Variants in KCNH8 observed in about 807,000 individuals in gnomAD.
KCNH8 encodes the protein potassium voltage-gated channel subfamily H member 8, also known as voltage-gated delayed rectifier potassium channel KCNH8.
In KCNH8, 70 loss-of-function variants were observed where a neutral mutation model predicts 103.6. That is an observed-to-expected ratio of 0.68 (90% CI 0.56 to 0.82). The LOEUF (loss-of-function observed/expected upper bound fraction) is 0.82, where lower values mean the gene tolerates loss of function less well. Among genes scored for constraint, KCNH8 ranks in the 40% least tolerant of loss-of-function variants. The probability of loss-of-function intolerance (pLI) is 0.00; values close to 1 mark genes in which losing one functional copy is unlikely to be tolerated. For synonymous variants in KCNH8, 498 were observed against 489.4 expected (o/e 1.02, Z -0.23); for missense variants, 1,217 against 1,329.9 (o/e 0.92, Z 1.32).
At chr3:19,426,795 G>T (rs773424115) in intron 7 of KCNH8, among the ~76,000 whole-genome samples, 21 of 151,938 alleles carry the variant, frequency 1.4e-4, no homozygotes, top group Non-Finnish European at 2.9e-4. Flanking sequence ...GCCTACTTTT[G>T]AATCAAAAAT....
At chr3:19,330,426 T>C (rs1184678016) in intron 3 of KCNH8, among the ~76,000 whole-genome samples, 1 of 152,192 alleles carries the variant, frequency 6.6e-6, no homozygotes, top group Non-Finnish European at 1.5e-5. Context: ...GCTTGATGTC[T>C]CACAGTATCT....
At chr3:19,316,686 AC>A (rs2125300845) in intron 3 of KCNH8, among the ~76,000 whole-genome samples, 2 of 152,042 alleles carry the variant, frequency 1.3e-5, no homozygotes, top group South Asian at 4.1e-4. Context: ...CTGCTCTTCA[AC>A]CAGAGATTGC....
chr3:19,243,004 TTGTTAGGTTA>T (rs2064161508), intron 1 of KCNH8, among the ~76,000 whole-genome samples: 1 of 152,182 alleles, frequency 6.6e-6, no homozygotes, highest in Admixed American at 6.5e-5. Context: ...CTGTTTAGCA[TTGTTAGGTTA>T]TGCAACCTTT....
intron 11 of KCNH8, among the ~76,000 whole-genome samples, chr3:19,504,987 A>G (rs138339903): frequency 2.6e-4 from 40 of 151,212 alleles, no homozygotes; most frequent in African/African-American, 8.0e-4. Flanking sequence ...ATATATACAC[A>G]TATATATATC....
intron 8 of KCNH8, among the ~76,000 whole-genome samples, chr3:19,449,314 A>ATACCC (rs1474452746): frequency 6.7e-6 from 1 of 148,834 alleles, no homozygotes; most frequent in African/African-American, 2.5e-5. Flanking sequence ...ATATATATAT[A>ATACCC]TATACCCTGC....
chr3:19,517,155 T>G (rs2068888487), intron 14 of KCNH8, among the ~76,000 whole-genome samples: 1 of 151,930 alleles, frequency 6.6e-6, no homozygotes, highest in African/African-American at 2.4e-5. Context: ...CTAAGCTCCA[T>G]GAGTGTCAAC....
At chr3:19,260,199 G>A (rs1402951139) in intron 2 of KCNH8, among the ~76,000 whole-genome samples, 2 of 151,430 alleles carry the variant, frequency 1.3e-5, no homozygotes, top group Admixed American at 1.3e-4. Flanking sequence ...ATATTCAAAT[G>A]TAAGATATTT....
At chr3:19,381,318 T>C (rs1182622093) in intron 5 of KCNH8, among the ~76,000 whole-genome samples, 1 of 152,252 alleles carries the variant, frequency 6.6e-6, no homozygotes, top group East Asian at 1.9e-4. Context: ...AAAATAGTGC[T>C]GGATCAATTG....
intron 15 of KCNH8, among the ~76,000 whole-genome samples, chr3:19,522,819 A>AT (rs2068995843): frequency 6.6e-6 from 1 of 151,656 alleles, no homozygotes; most frequent in Non-Finnish European, 1.5e-5. Context: ...TGGATCTAAA[A>AT]TTTTTTTTAA....
intron 13 of KCNH8, among the ~76,000 whole-genome samples, chr3:19,513,631 A>C (rs760982176): frequency 1.5e-4 from 23 of 152,182 alleles, no homozygotes; most frequent in Non-Finnish European, 3.4e-4. Context: ...ATTTATAGTG[A>C]AAATAAAAGA....
intron 3 of KCNH8, among the ~76,000 whole-genome samples, chr3:19,288,986 A>G (rs1034482263): frequency 6.6e-6 from 1 of 152,084 alleles, no homozygotes; most frequent in African/African-American, 2.4e-5. Flanking sequence ...GCCAGTGATG[A>G]TGAGCATTTT....
intron 1 of KCNH8, among the ~76,000 whole-genome samples, chr3:19,183,217 G>A (rs2063472959): frequency 6.6e-6 from 1 of 152,086 alleles, no homozygotes. Flanking sequence ...AATGAGATAT[G>A]TAATTAAGAA....
At chr3:19,356,292 G>C (rs2065881475) in intron 5 of KCNH8, among the ~76,000 whole-genome samples, 1 of 151,914 alleles carries the variant, frequency 6.6e-6, no homozygotes, top group African/African-American at 2.4e-5. Flanking sequence ...GATTAATCCA[G>C]CATCTCTCAA....
In KCNH8 at chr3:19,450,314, C is replaced by G. The variant is rs2067427665; in HGVS notation, c.1575+9C>G. 1 of 1,600,980 alleles carries G rather than the reference C, an allele frequency of 6.2e-7. No individual in the cohort carries two copies. The highest frequency in any genetic ancestry group is 8.6e-7 in the Non-Finnish European group (1 of 1,168,306). On this transcript the variant is annotated intron_variant, in intron 9 of 15. Coordinates refer to ENST00000328405, the MANE Select transcript of KCNH8 (RefSeq NM_144633.3). The stretch of plus-strand genomic sequence containing the variant: ...GAATAGATTCAAATGAGGTAATGTT[C>G]ATTTCTCATGTTGTTTTCAGGCAGA...
intron 11 of KCNH8, among the ~76,000 whole-genome samples, chr3:19,464,078 T>G (rs2067688437): frequency 6.6e-6 from 1 of 152,156 alleles, no homozygotes; most frequent in African/African-American, 2.4e-5. Context: ...TACCAAAGAC[T>G]GTCAATACCT....
chr3:19,207,058 T>C (rs1434637293), intron 1 of KCNH8, among the ~76,000 whole-genome samples: 1 of 151,680 alleles, frequency 6.6e-6, no homozygotes, highest in Non-Finnish European at 1.5e-5. Flanking sequence ...AGAAGTTTGG[T>C]CTTGAAAAAA....
chr3:19,533,544 G>A lies in KCNH8; in HGVS notation c.2769G>A (p.Gln923=). Residue 923 remains glutamine, a synonymous_variant, in exon 16 of 16, where the codon CAG becomes CAA. Coordinates refer to ENST00000328405, the MANE Select transcript of KCNH8 (RefSeq NM_144633.3). ...TGTGTCCCTCCAGGGAGAGCTTACA[G>A]ACCAGAACGAGCTGGAGTGCACACC... is the stretch of plus-strand genomic sequence containing the variant. ...TSVCPSRESL[Q]TRTSWSAHQP... 2 of 1,614,198 alleles carry A rather than the reference G, an allele frequency of 1.2e-6. No homozygotes were observed. The highest frequency in any genetic ancestry group is 1.7e-6 in the Non-Finnish European group (2 of 1,180,034).
At chr3:19,357,672 A>C (rs1476487163) in intron 5 of KCNH8, among the ~76,000 whole-genome samples, 1 of 151,924 alleles carries the variant, frequency 6.6e-6, no homozygotes, top group African/African-American at 2.4e-5. Flanking sequence ...GTCATAGATT[A>C]TGCCATAAAG....
chr3:19,271,212 C>T (rs944552261), intron 2 of KCNH8, among the ~76,000 whole-genome samples: 3 of 152,030 alleles, frequency 2.0e-5, no homozygotes, highest in African/African-American at 7.2e-5. Flanking sequence ...GAGGTCTAGT[C>T]CCAACTCTTA....
Sources: gnomAD v4.1 joint callset for allele counts (sites outside exome capture counted in the v4.1 genomes callset) on GRCh38, gnomAD v4.1.1 for gene constraint, MANE v1.5 for transcripts, NCBI Gene and HGNC (gene_info 2026-07-23, HGNC 2026-07-21) for gene names.